The following NMBR variants were observed in gnomAD, a reference collection of about 807,000 sequenced individuals.
The protein encoded by NMBR is neuromedin-B receptor.
Under a neutral mutation model 20.5 loss-of-function variants are expected in NMBR, and 16 were observed. That is an observed-to-expected ratio of 0.78 (90% CI 0.53 to 1.19). The LOEUF is 1.19. Among genes scored for constraint, NMBR ranks in the 50% most tolerant of loss-of-function variants. The pLI, the probability that NMBR is intolerant of heterozygous loss-of-function variation, is 0.00. For synonymous variants in NMBR, 212 were observed against 196.6 expected, an observed-to-expected ratio of 1.08 and a Z score of -0.65; for missense variants, 582 against 499.1, an observed-to-expected ratio of 1.17 and a Z score of -1.58.
rs1387895471 is a variant in NMBR at position 142,074,502 on chromosome 6, T to G, written c.*1146A>C. Among the ~76,000 whole-genome samples the G allele has an allele frequency of 6.6e-6, 1 of 152,210 alleles. No individual in the cohort carries two copies. The highest frequency in any genetic ancestry group is 1.5e-5 in the Non-Finnish European group (1 of 68,020). Reference sequence around the variant, plus strand: ...AAATATATTGATTTAAATGTTAGATTTATTGATACATGCTTTTAAAAATGG... The same window carrying G: ...AAATATATTGATTTAAATGTTAGATGTATTGATACATGCTTTTAAAAATGG... On this transcript the variant is annotated 3_prime_UTR_variant, in exon 4 of 4. Coordinates refer to ENST00000258042, the MANE Select transcript of NMBR (RefSeq NM_002511.4).
intron 1 of NMBR, among the ~76,000 whole-genome samples, chr6:142,143,663 A>G (rs763329328): frequency 3.3e-5 from 5 of 152,244 alleles, no homozygotes; most frequent in Non-Finnish European, 7.3e-5. Flanking sequence ...ACTGATCTGT[A>G]AATTCAATAT....
rs754015148 is a variant in NMBR, at chr6:142,088,527, A to G, written c.132T>C (p.Cys44=). 1.9e-6 allele frequency: 3 copies of G among 1,614,030 alleles called. No individual in the cohort carries two copies. Among genetic ancestry groups the G allele is most frequent in the South Asian group, 1.1e-5 (1 of 91,074 alleles). The stretch of plus-strand genomic sequence containing the variant: ...TGAGCAGGTAGAGGGACGGGATCAC[A>G]CAGCGGATCACCAACTCCGTGGTGG... ...DGTTTELVIR[C]VIPSLYLLII... Residue 44 remains cysteine (C), a synonymous_variant, in exon 2 of 4, where the codon TGT becomes TGC. Transcript: ENST00000258042.
At chr6:142,098,893 T>C (rs751272136) in intron 1 of NMBR, among the ~76,000 whole-genome samples, 31 of 152,264 alleles carry the variant, frequency 2.0e-4, no homozygotes, top group South Asian at 1.2e-3. Flanking sequence ...TGACACTACC[T>C]TATTTCAAGA....
intron 1 of NMBR, among the ~76,000 whole-genome samples, chr6:142,136,434 G>A (rs574768489): frequency 3.3e-5 from 5 of 152,072 alleles, no homozygotes; most frequent in Middle Eastern, 3.4e-3. Context: ...ATTTTCTCCC[G>A]TTTTGTAGGT....
intron 1 of NMBR, among the ~76,000 whole-genome samples, chr6:142,093,171 C>CT (rs1247050274): frequency 1.5e-4 from 23 of 151,206 alleles, no homozygotes; most frequent in African/African-American, 5.4e-4. Context: ...TTTAATTATT[C>CT]TTTAAGTTTT....
chr6:142,079,116 A>AAGAGAGAAAGAGAGAG (rs58273905), intron 2 of NMBR, among the ~76,000 whole-genome samples: 1 of 51,542 alleles, frequency 1.9e-5, no homozygotes, highest in African/African-American at 1.5e-4. Flanking sequence ...GAAAGAAAGA[A>AAGAGAGAAAGAGAGAG]AGAAAGAAAG....
intron 1 of NMBR, among the ~76,000 whole-genome samples, chr6:142,131,093 G>T (rs1778133467): frequency 6.6e-6 from 1 of 152,030 alleles, no homozygotes; most frequent in South Asian, 2.1e-4. Context: ...ATGTCATGTA[G>T]AACATAACTT....
chr6:142,075,255 T>C lies in NMBR; in HGVS notation c.*393A>G, dbSNP rs906423549. 3.3e-5 allele frequency among the ~76,000 whole-genome samples: 5 copies of C among 152,030 alleles called. No individual in the cohort carries two copies. Among genetic ancestry groups the C allele is most frequent in the African/African-American group, 9.7e-5 (4 of 41,408 alleles). ...TAGAAATTTATTTCATGCTTCAAGATAAAACAAAACCTAAGACAAATATGC... is the reference window on the plus strand; with the variant it reads ...TAGAAATTTATTTCATGCTTCAAGACAAAACAAAACCTAAGACAAATATGC... On this transcript the variant is annotated 3_prime_UTR_variant, in exon 4 of 4. Coordinates refer to ENST00000258042, the MANE Select transcript of NMBR (RefSeq NM_002511.4).
At chr6:142,096,459 A>C (rs1298126347) in intron 1 of NMBR, among the ~76,000 whole-genome samples, 1 of 151,910 alleles carries the variant, frequency 6.6e-6, no homozygotes, top group Non-Finnish European at 1.5e-5. Context: ...GTAGTTGTTC[A>C]GTTTCCATGT....
chr6:142,091,022 T>C (rs1777311262), intron 1 of NMBR, among the ~76,000 whole-genome samples: 1 of 152,138 alleles, frequency 6.6e-6, no homozygotes, highest in South Asian at 2.1e-4. Flanking sequence ...TTTATATGTA[T>C]TTACTTAAAG....
At position 142,085,198 on chromosome 6, in the gene NMBR, C is replaced by T. The variant is rs150137743; in HGVS notation, c.422+3039G>A. Reference sequence around the variant, plus strand: ...CCTAGGGATGTGTCTGCTGAAACTCCTCGGAAGAGTTTGGAAAGTTGAGGA... The same window carrying T: ...CCTAGGGATGTGTCTGCTGAAACTCTTCGGAAGAGTTTGGAAAGTTGAGGA... On this transcript the variant is annotated intron_variant, in intron 2 of 3. Transcript: ENST00000258042. 8.5e-5 allele frequency among the ~76,000 whole-genome samples: 13 copies of T among 152,202 alleles called. No homozygotes were observed. In the East Asian group the frequency reaches 2.5e-3, roughly 29 times the overall value.
intron 1 of NMBR, among the ~76,000 whole-genome samples, chr6:142,129,715 A>G (rs150799101): frequency 8.9e-4 from 135 of 152,274 alleles, no homozygotes; most frequent in Non-Finnish European, 1.8e-3. Flanking sequence ...TCTTTGCTTA[A>G]GGAGTATTAA....
chr6:142,134,035 A>G, intron 1 of NMBR: 1 of 681,642 alleles, frequency 1.5e-6, no homozygotes, highest in Non-Finnish European at 2.7e-6. Context: ...CTCCACAAGT[A>G]AGTTTTTCTG....
At chr6:142,106,228 T>C (rs4896579) in intron 1 of NMBR, among the ~76,000 whole-genome samples, 86,735 of 151,672 alleles carry the variant, frequency 0.57, 25,427 homozygotes, top group East Asian at 0.83. Flanking sequence ...ACAATCTAAC[T>C]CTTCCCAAAA....
intron 3 of NMBR, 44 bp from the exon 4 acceptor site, chr6:142,076,093 G>C: frequency 6.6e-7 from 1 of 1,509,238 alleles, no homozygotes; most frequent in African/African-American, 1.4e-5. Context: ...AGTGAAAATG[G>C]AACCAGCCAC....
intron 1 of NMBR, among the ~76,000 whole-genome samples, chr6:142,112,818 T>C (rs376785472): frequency 5.3e-5 from 8 of 152,318 alleles, no homozygotes; most frequent in African/African-American, 1.9e-4. Flanking sequence ...GAGCAGTGAA[T>C]GTCATGTCAG....
chr6:142,088,304 T>A lies in NMBR; in HGVS notation c.355A>T (p.Ile119Phe). Residue 119 changes from isoleucine to phenylalanine, a missense_variant, in exon 2 of 4, where the codon ATC (isoleucine) becomes TTC (phenylalanine). Ile to Phe is a conservative substitution (Grantham distance 21). Transcript: ENST00000258042. ...ACGGAAGTGAGCTGGATGACAGGGA[T>A]CAGTTTGCAGCCCACCTTGCCAAAC... ...WMFGKVGCKL[I>F]PVIQLTSVGV... The A allele has an allele frequency of 6.2e-7, 1 of 1,613,792 alleles. No homozygotes were observed. Among genetic ancestry groups the A allele is most frequent in the South Asian group, 1.1e-5 (1 of 91,052 alleles).
chr6:142,091,299 T>A (rs1777318586), intron 1 of NMBR, among the ~76,000 whole-genome samples: 1 of 152,178 alleles, frequency 6.6e-6, no homozygotes, highest in Non-Finnish European at 1.5e-5. Context: ...GATGGCTCAC[T>A]ATAGCCTCAA....
intron 1 of NMBR, among the ~76,000 whole-genome samples, chr6:142,145,154 T>C (rs1262440547): frequency 6.6e-6 from 1 of 151,976 alleles, no homozygotes; most frequent in African/African-American, 2.4e-5. Flanking sequence ...TTTCCCTCAG[T>C]CCTGCTCATG....
Sources: allele counts gnomAD v4.1 joint callset (sites outside exome capture counted in the v4.1 genomes callset), GRCh38; gene constraint gnomAD v4.1.1; transcripts MANE v1.5; gene names NCBI Gene and HGNC (gene_info 2026-07-23, HGNC 2026-07-21).